SMYD3: variants seen among roughly 807,000 people sequenced by gnomAD.
SMYD3 encodes histone-lysine N-methyltransferase SMYD3.
SMYD3 carries 36 observed loss-of-function variants against 57.7 expected under a neutral mutation model. The observed-to-expected ratio is 0.62, with a 90% CI of 0.48 to 0.82. SMYD3 has a LOEUF of 0.82. Ranked by LOEUF, SMYD3 falls within the 40% of genes least tolerant of loss-of-function variation. SMYD3 has a pLI of 0.00. For missense variants in SMYD3, 515 were observed against 538.8 expected (o/e 0.96, Z 0.44); for synonymous variants, 211 against 195.0 (o/e 1.08, Z -0.68).
At chr1:245,985,213 C>T (rs1353423176) in intron 5 of SMYD3, among the ~76,000 whole-genome samples, 1 of 152,120 alleles carries the variant, frequency 6.6e-6, no homozygotes, top group African/African-American at 2.4e-5. Context: ...CTGTCCTTGG[C>T]TCTCGTCTTC....
chr1:246,310,827 G>A (rs1158833323), intron 5 of SMYD3, among the ~76,000 whole-genome samples: 1 of 151,854 alleles, frequency 6.6e-6, no homozygotes, highest in East Asian at 1.9e-4. Flanking sequence ...GTGCCACCAC[G>A]CCTGGCTGAC....
chr1:245,848,800 C>T (rs1182287464), intron 10 of SMYD3, among the ~76,000 whole-genome samples: 1 of 152,108 alleles, frequency 6.6e-6, no homozygotes, highest in Non-Finnish European at 1.5e-5. Flanking sequence ...TGGTCCACAG[C>T]TGTGGGATTT....
chr1:246,340,141 T>A (rs2065609962), intron 2 of SMYD3, among the ~76,000 whole-genome samples: 1 of 151,832 alleles, frequency 6.6e-6, no homozygotes, highest in East Asian at 1.9e-4. Flanking sequence ...ATCATTGAAC[T>A]ATTGTTCTAT....
rs538333064 is a variant in SMYD3 at position 245,994,356 on chromosome 1, C to T, written c.532-64419G>A. Among the ~76,000 whole-genome samples the T allele has an allele frequency of 5.3e-5, 8 of 152,266 alleles. No homozygotes were observed. In the South Asian group the frequency reaches 1.7e-3, roughly 32 times the overall value. ...AGAGATTGGCCCGACAAAATGAAAGCGAAGGCGTCAGCTGAGAGGGACGCG... is the reference window on the plus strand; with the variant it reads ...AGAGATTGGCCCGACAAAATGAAAGTGAAGGCGTCAGCTGAGAGGGACGCG... On this transcript the variant is annotated intron_variant, in intron 5 of 11. Coordinates refer to ENST00000490107, the MANE Select transcript of SMYD3 (RefSeq NM_001167740.2).
intron 5 of SMYD3, among the ~76,000 whole-genome samples, chr1:245,995,407 G>T (rs1251119424): frequency 6.6e-6 from 1 of 152,174 alleles, no homozygotes. Flanking sequence ...CCTGAGAAAT[G>T]GAGAACAGTA....
intron 5 of SMYD3, among the ~76,000 whole-genome samples, chr1:245,939,007 G>A (rs960277804): frequency 1.3e-5 from 2 of 152,008 alleles, no homozygotes; most frequent in African/African-American, 4.8e-5. Context: ...TTAGCCGGGC[G>A]TGGTGGCCTG....
chr1:245,925,394 C>T (rs1558500764), intron 7 of SMYD3, among the ~76,000 whole-genome samples: 1 of 152,098 alleles, frequency 6.6e-6, no homozygotes, highest in South Asian at 2.1e-4. Context: ...AATATTTGTA[C>T]AATAAATAGG....
intron 5 of SMYD3, among the ~76,000 whole-genome samples, chr1:245,977,787 C>T (rs1401181711): frequency 6.6e-6 from 1 of 152,198 alleles, no homozygotes; most frequent in Non-Finnish European, 1.5e-5. Flanking sequence ...TTGTTTCCTT[C>T]CTGCCCTGTT....
At chr1:245,903,186 CA>C (rs530729527) in intron 8 of SMYD3, among the ~76,000 whole-genome samples, 2 of 151,720 alleles carry the variant, frequency 1.3e-5, no homozygotes, top group South Asian at 4.2e-4. Flanking sequence ...ATTCAATGAA[CA>C]AAATTAAAAA....
At chr1:246,177,723 A>G (rs2062457793) in intron 5 of SMYD3, among the ~76,000 whole-genome samples, 1 of 152,220 alleles carries the variant, frequency 6.6e-6, no homozygotes, top group African/African-American at 2.4e-5. Flanking sequence ...TTCTCGAAAG[A>G]TGGAAGACAT....
At chr1:246,055,091 G>C (rs1656069553) in intron 5 of SMYD3, among the ~76,000 whole-genome samples, 1 of 151,718 alleles carries the variant, frequency 6.6e-6, no homozygotes, top group African/African-American at 2.4e-5. Flanking sequence ...CAGGAGAATG[G>C]AGTGAACCCG....
chr1:246,334,204 G>A (rs758930502), intron 3 of SMYD3, among the ~76,000 whole-genome samples: 3 of 152,140 alleles, frequency 2.0e-5, no homozygotes, highest in Non-Finnish European at 4.4e-5. Flanking sequence ...CAATCCCACT[G>A]TTGGGTATAT....
chr1:246,264,039 ATGT>A (rs1558360152), intron 5 of SMYD3, among the ~76,000 whole-genome samples: 1 of 128,778 alleles, frequency 7.8e-6, no homozygotes, highest in Non-Finnish European at 1.6e-5. Context: ...GCAGAAATAA[ATGT>A]TTTTTTTTTT....
chr1:246,355,317 G>A lies in SMYD3; in HGVS notation c.165-223C>T, dbSNP rs2065894767. The A allele has an allele frequency of 1.9e-6, 1 of 515,884 alleles. No individual in the cohort carries two copies. Among genetic ancestry groups the A allele is most frequent in the East Asian group, 3.5e-5 (1 of 28,596 alleles). 32.0% of individuals were successfully genotyped at this position (515,884 alleles called of 1,614,324 possible). A position where few individuals can be genotyped will look rare whatever the true frequency, so the allele number is the denominator to read the frequency against. Reference sequence around the variant, plus strand: ...AAGTCCTTTTGTCTGACAGAAGATGGCGGGGAAGAGGCAGGACCAGCTTGC... The same window carrying A: ...AAGTCCTTTTGTCTGACAGAAGATGACGGGGAAGAGGCAGGACCAGCTTGC... On this transcript the variant is annotated intron_variant, in intron 1 of 11. Coordinates refer to ENST00000490107, the MANE Select transcript of SMYD3 (RefSeq NM_001167740.2). The surrounding 1 kb of genome is among the most constrained non-coding windows in gnomAD (Gnocchi z 5.0).
intron 5 of SMYD3, among the ~76,000 whole-genome samples, chr1:246,181,185 A>G (rs1027462348): frequency 6.6e-6 from 1 of 152,184 alleles, no homozygotes; most frequent in African/African-American, 2.4e-5. Flanking sequence ...GTGTCTCAAG[A>G]GAGCAAGGCA....
intron 10 of SMYD3, among the ~76,000 whole-genome samples, chr1:245,792,348 A>G (rs1320641129): frequency 6.6e-6 from 1 of 152,180 alleles, no homozygotes; most frequent in Non-Finnish European, 1.5e-5. Flanking sequence ...ACACTGCAAA[A>G]CTGCTCTGTA....
At chr1:246,114,412 G>A (rs769558353) in intron 5 of SMYD3, among the ~76,000 whole-genome samples, 7 of 152,214 alleles carry the variant, frequency 4.6e-5, no homozygotes, top group Non-Finnish European at 8.8e-5. Context: ...CGATGGGGGA[G>A]AACAATTGTT....
chr1:246,395,693 C>A (rs1395037598), intron 1 of SMYD3, among the ~76,000 whole-genome samples: 35 of 64,668 alleles, frequency 5.4e-4, no homozygotes, highest in Non-Finnish European at 8.0e-4. Flanking sequence ...GAAGACGAAC[C>A]CACCATGGCT....
intron 5 of SMYD3, among the ~76,000 whole-genome samples, chr1:246,242,727 T>C (rs182040050): frequency 6.6e-6 from 1 of 151,916 alleles, no homozygotes; most frequent in Non-Finnish European, 1.5e-5. Context: ...GAGACATACA[T>C]AGGCTCAAAA....
Sources: allele counts gnomAD v4.1 joint callset (sites outside exome capture counted in the v4.1 genomes callset), GRCh38; gene constraint gnomAD v4.1.1; non-coding constraint Gnocchi (gnomAD v3.1); transcripts MANE v1.5; gene names NCBI Gene and HGNC (gene_info 2026-07-23, HGNC 2026-07-21).